Variants in L3MBTL3 observed in about 807,000 individuals in gnomAD.
L3MBTL3 encodes L3MBTL histone methyl-lysine binding protein 3.
L3MBTL3 carries 27 observed loss-of-function variants against 102.3 expected under a neutral mutation model. That is an observed-to-expected ratio of 0.26 (90% CI 0.19 to 0.36). The LOEUF is 0.36. L3MBTL3 is among the 10% of genes least tolerant of loss of function. The pLI, the probability that L3MBTL3 is intolerant of heterozygous loss-of-function variation, is 1.00. For missense variants in L3MBTL3, 798 were observed against 955.3 expected, an observed-to-expected ratio of 0.84 and a Z score of 2.17; for synonymous variants, 340 against 320.9, an observed-to-expected ratio of 1.06 and a Z score of -0.64.
chr6:130,055,205 C>G lies in L3MBTL3; in HGVS notation c.617C>G (p.Ser206Trp), dbSNP rs200526729. ...CAAGATGTAAGAATCCTGAGGGGTTCGCAGAGAGCACGGAGGAAAAGACGA... is the reference window on the plus strand; with the variant it reads ...CAAGATGTAAGAATCCTGAGGGGTTGGCAGAGAGCACGGAGGAAAAGACGA... ...NKQDVRILRGSQRARRKRRGD... is the reference protein window; with the variant it reads ...NKQDVRILRGWQRARRKRRGD... The change falls in exon 8 of 23, where the codon TCG becomes TGG. Residue 206 changes from serine (S) to tryptophan (W), a missense_variant. Ser to Trp is a radical substitution (Grantham distance 177). Transcript: ENST00000361794. The G allele has an allele frequency of 6.2e-7, 1 of 1,613,674 alleles. No homozygotes were observed.
At chr6:130,044,104 A>G (rs1192140474) in intron 3 of L3MBTL3, among the ~76,000 whole-genome samples, 1 of 152,204 alleles carries the variant, frequency 6.6e-6, no homozygotes, top group Non-Finnish European at 1.5e-5. Flanking sequence ...GTTGCTGAAC[A>G]TTTTTGAGAA....
At chr6:130,019,337 G>A (rs951995092) in intron 1 of L3MBTL3, 2 of 145,956 alleles carry the variant, frequency 1.4e-5, no homozygotes, top group African/African-American at 2.5e-5. Flanking sequence ...GGCCGGGGCC[G>A]CGGATCGGTG....
chr6:130,066,472 A>C lies in L3MBTL3; in HGVS notation c.984A>C (p.Lys328Asn). 6.2e-7 allele frequency: 1 copy of C among 1,609,902 alleles called. No individual in the cohort carries two copies. Among genetic ancestry groups the C allele is most frequent in the East Asian group, 2.2e-5 (1 of 44,570 alleles). ...PVGWCEKTGH[K>N]LHPPKGYKEE... ...GGTGGTGTGAGAAAACCGGCCACAA[A>C]CTCCATCCTCCAAAAGGTTTTGTCA... The change falls in exon 11 of 23, where the codon AAA (lysine) becomes AAC (asparagine). Residue 328 changes from lysine (K) to asparagine (N), a missense_variant. Physicochemically the swap from Lys to Asn is moderately conservative, Grantham distance 94. Around this residue, in one of 4 missense-constraint regions of L3MBTL3, gnomAD observed 434 missense variants for 506.6 expected, o/e 0.86. Transcript: ENST00000361794.
In L3MBTL3 at chr6:130,086,811, C is replaced by T. The variant is rs943917926; in HGVS notation, c.1518+561C>T. Among the ~76,000 whole-genome samples the T allele has an allele frequency of 9.9e-5, 15 of 152,146 alleles. 1 individual carries two copies. Among genetic ancestry groups the T allele is most frequent in the African/African-American group, 1.2e-4 (5 of 41,430 alleles). Reference sequence around the variant, plus strand: ...GTTCAGGAAAGGAGCCAGAAGAGCTCGTCTCTGTTTCTTACTTCAGCATTA... The same window carrying T: ...GTTCAGGAAAGGAGCCAGAAGAGCTTGTCTCTGTTTCTTACTTCAGCATTA... On this transcript the variant is annotated intron_variant, in intron 16 of 22. Coordinates refer to ENST00000361794, the MANE Select transcript of L3MBTL3 (RefSeq NM_032438.4).
At chr6:130,078,670 A>G in intron 14 of L3MBTL3, 36 bp downstream of exon 14, 1 of 1,362,078 alleles carries the variant, frequency 7.3e-7, no homozygotes, top group African/African-American at 1.4e-5. Context: ...TACTATTCGT[A>G]GACTTCAAGA....
At chr6:130,109,519 T>C (rs970521746) in intron 19 of L3MBTL3, among the ~76,000 whole-genome samples, 6 of 152,246 alleles carry the variant, frequency 3.9e-5, no homozygotes, top group African/African-American at 1.4e-4. Context: ...GAGAAGTGTC[T>C]ATTCATATCC....
intron 14 of L3MBTL3, among the ~76,000 whole-genome samples, chr6:130,078,947 C>G (rs12198331): frequency 6.6e-6 from 1 of 151,718 alleles, no homozygotes; most frequent in South Asian, 2.1e-4. Flanking sequence ...AATTTTGTCT[C>G]TCTTGGAAAA....
At chr6:130,049,537 C>G (rs1275170566) in intron 4 of L3MBTL3, 144 bp downstream of exon 4, 3 of 712,332 alleles carry the variant, frequency 4.2e-6, no homozygotes, top group Non-Finnish European at 6.9e-6. Context: ...TATAATGAAA[C>G]TGATAGGAGC....
chr6:130,055,542 C>A (rs1246523658), intron 8 of L3MBTL3, among the ~76,000 whole-genome samples: 1 of 117,674 alleles, frequency 8.5e-6, no homozygotes, highest in South Asian at 3.1e-4. Flanking sequence ...CTCTCTCCCT[C>A]CCTGTCTCCC....
intron 13 of L3MBTL3, 31 bp downstream of exon 13, chr6:130,071,158 A>G (rs761244923): frequency 6.3e-7 from 1 of 1,583,360 alleles, no homozygotes; most frequent in Non-Finnish European, 8.6e-7. Flanking sequence ...TGCTTTTAAA[A>G]ATTTAATATT....
intron 2 of L3MBTL3, among the ~76,000 whole-genome samples, chr6:130,039,359 A>C (rs936251359): frequency 3.9e-5 from 6 of 152,128 alleles, no homozygotes; most frequent in African/African-American, 1.4e-4. Context: ...AAAATATCCA[A>C]TTTGGCATTC....
intron 14 of L3MBTL3, among the ~76,000 whole-genome samples, chr6:130,081,416 A>C (rs1320114647): frequency 2.1e-5 from 3 of 144,248 alleles, no homozygotes; most frequent in Non-Finnish European, 4.6e-5. Context: ...TTTGCGTATT[A>C]ACTCCATTTT....
chr6:130,029,696 T>C (rs1779590580), intron 2 of L3MBTL3, among the ~76,000 whole-genome samples: 1 of 152,146 alleles, frequency 6.6e-6, no homozygotes. Flanking sequence ...TAAATAGGCC[T>C]TTTTTGATGT....
At chr6:130,046,379 C>T (rs537142395) in intron 3 of L3MBTL3, among the ~76,000 whole-genome samples, 89 of 152,250 alleles carry the variant, frequency 5.8e-4, no homozygotes, top group African/African-American at 2.0e-3. Flanking sequence ...ACTGGTAAGT[C>T]GATTCAAATC....
intron 1 of L3MBTL3, among the ~76,000 whole-genome samples, chr6:130,020,903 A>G (rs1038076935): frequency 6.7e-6 from 1 of 150,312 alleles, no homozygotes. Context: ...AATGCATTCG[A>G]GATCATTCAG....
chr6:130,036,685 T>C (rs1372538293), intron 2 of L3MBTL3, among the ~76,000 whole-genome samples: 1 of 152,200 alleles, frequency 6.6e-6, no homozygotes, highest in African/African-American at 2.4e-5. Context: ...AATCTATTTG[T>C]GGCGTCTGCA....
rs1787332776 is a variant in L3MBTL3, at chr6:130,133,927, AAT to A, written c.2199+25_2199+26del. 6.4e-6 allele frequency: 10 copies of A among 1,566,160 alleles called. No homozygotes were observed. The highest frequency in any genetic ancestry group is 1.7e-5 in the Admixed American group (1 of 59,982). On this transcript the variant is annotated intron_variant, in intron 22 of 22. Transcript: ENST00000361794. This position sits in a 1 kb window ranked among gnomAD's most constrained non-coding sequence, Gnocchi z 4.9. ...TGAAGTAAGTATTCCACTAAATTGC[AAT>A]ATGTTACTTAATGGGATCAAAGCAC...
At chr6:130,043,761 G>GCCAA (rs1206415029) in intron 3 of L3MBTL3, among the ~76,000 whole-genome samples, 1 of 152,096 alleles carries the variant, frequency 6.6e-6, no homozygotes, top group Non-Finnish European at 1.5e-5. Context: ...AAGTATCCTA[G>GCCAA]CCAAGCCTGC....
chr6:130,131,264 T>C (rs760161007), intron 20 of L3MBTL3, among the ~76,000 whole-genome samples: 1 of 152,190 alleles, frequency 6.6e-6, no homozygotes, highest in Non-Finnish European at 1.5e-5. Context: ...TCATTAATCA[T>C]GGAATGCATT....
Sources: allele counts gnomAD v4.1 joint callset (sites outside exome capture counted in the v4.1 genomes callset), GRCh38; gene constraint gnomAD v4.1.1; regional missense constraint gnomAD v4.1.1; non-coding constraint Gnocchi (gnomAD v3.1); transcripts MANE v1.5; gene names NCBI Gene and HGNC (gene_info 2026-07-23, HGNC 2026-07-21).